PLA2G4A: variants seen among roughly 807,000 people sequenced by gnomAD.
PLA2G4A encodes phospholipase A2 group IVA.
In PLA2G4A, 40 loss-of-function variants were observed where a neutral mutation model predicts 81.9. That is an observed-to-expected ratio of 0.49 (90% CI 0.38 to 0.64). The LOEUF is 0.64. PLA2G4A is among the 30% of genes least tolerant of loss of function. The pLI, the probability that PLA2G4A is intolerant of heterozygous loss-of-function variation, is 0.00. For missense variants in PLA2G4A, 715 were observed against 905.1 expected (o/e 0.79, Z 2.69); for synonymous variants, 302 against 296.9 (o/e 1.02, Z -0.18).
chr1:186,959,489 C>T (rs1379341202), intron 14 of PLA2G4A, among the ~76,000 whole-genome samples: 2 of 152,080 alleles, frequency 1.3e-5, no homozygotes, highest in Non-Finnish European at 1.5e-5. Context: ...ATTTAAATTA[C>T]ACTTTATTCA....
At chr1:186,907,228 A>T (rs1654770042) in intron 6 of PLA2G4A, among the ~76,000 whole-genome samples, 1 of 152,124 alleles carries the variant, frequency 6.6e-6, no homozygotes. Flanking sequence ...TTATTTTTCC[A>T]ATAGTTTCAT....
At chr1:186,913,814 G>T (rs1380666443) in intron 7 of PLA2G4A, among the ~76,000 whole-genome samples, 6 of 152,152 alleles carry the variant, frequency 3.9e-5, no homozygotes, top group Non-Finnish European at 7.3e-5. Flanking sequence ...GCAGGATACA[G>T]TTGGAAATGA....
chr1:186,909,632 C>G (rs1571390899), intron 6 of PLA2G4A, among the ~76,000 whole-genome samples: 1 of 141,656 alleles, frequency 7.1e-6, no homozygotes, highest in Non-Finnish European at 1.5e-5. Context: ...TGCACTCCAG[C>G]CTGGGCAACA....
chr1:186,931,440 T>C (rs1393113682), intron 7 of PLA2G4A, among the ~76,000 whole-genome samples: 1 of 152,040 alleles, frequency 6.6e-6, no homozygotes, highest in African/African-American at 2.4e-5. Context: ...CTAGGTGTTC[T>C]ACTGTTCACT....
intron 10 of PLA2G4A, among the ~76,000 whole-genome samples, chr1:186,944,864 A>C (rs866522623): frequency 3.9e-5 from 6 of 152,292 alleles, no homozygotes; most frequent in African/African-American, 1.4e-4. Flanking sequence ...ATCCACATTG[A>C]GTGGGATAAA....
chr1:186,932,100 T>C (rs2102202119), intron 7 of PLA2G4A, among the ~76,000 whole-genome samples: 1 of 152,264 alleles, frequency 6.6e-6, no homozygotes, highest in East Asian at 1.9e-4. Context: ...TTCCTTCTGC[T>C]CACCTTACAT....
At chr1:186,983,676 C>T (rs1267692377) in intron 17 of PLA2G4A, among the ~76,000 whole-genome samples, 4 of 147,234 alleles carry the variant, frequency 2.7e-5, no homozygotes, top group Non-Finnish European at 3.0e-5. Flanking sequence ...AATGCTTGTA[C>T]AATTACAGTA....
Position 186,942,100 on chromosome 1 carries a change from A to C in PLA2G4A, c.1033+2006A>C, listed in dbSNP as rs138701065. 4.6e-5 allele frequency among the ~76,000 whole-genome samples: 7 copies of C among 152,324 alleles called. No individual in the cohort carries two copies. In the East Asian group the frequency reaches 1.3e-3, roughly 29 times the overall value. ...GGCACATTTAATTATTGGATTGTGG[A>C]AGGGGGCATGTAGCAGGGTCAGGGA... On this transcript the variant is annotated intron_variant, in intron 10 of 17. Coordinates refer to ENST00000367466, the MANE Select transcript of PLA2G4A (RefSeq NM_024420.3).
intron 7 of PLA2G4A, among the ~76,000 whole-genome samples, chr1:186,917,496 A>G (rs1245813747): frequency 1.3e-5 from 2 of 152,164 alleles, no homozygotes; most frequent in African/African-American, 2.4e-5. Context: ...TATTTTTGAT[A>G]GTCCGATTCA....
At chr1:186,911,761 T>C (rs1654951956) in intron 7 of PLA2G4A, among the ~76,000 whole-genome samples, 1 of 152,034 alleles carries the variant, frequency 6.6e-6, no homozygotes, top group Non-Finnish European at 1.5e-5. Context: ...ACACAGTAGA[T>C]ATGAGGAGAT....
chr1:186,847,313 T>TATAC (rs1652211959), intron 1 of PLA2G4A, among the ~76,000 whole-genome samples: 1 of 151,880 alleles, frequency 6.6e-6, no homozygotes, highest in African/African-American at 2.4e-5. Flanking sequence ...CTTGGTCCAG[T>TATAC]ATACCTCCAT....
chr1:186,884,041 C>A (rs1051925885), intron 3 of PLA2G4A, among the ~76,000 whole-genome samples: 1 of 151,624 alleles, frequency 6.6e-6, no homozygotes, highest in African/African-American at 2.4e-5. Context: ...GTAGCTAAGG[C>A]AAAACCAATA....
chr1:186,907,440 C>G (rs571589384), intron 6 of PLA2G4A, among the ~76,000 whole-genome samples: 1 of 152,018 alleles, frequency 6.6e-6, no homozygotes, highest in Non-Finnish European at 1.5e-5. Flanking sequence ...TCATACTGAC[C>G]CAGCTGGACT....
intron 13 of PLA2G4A, 61 bp downstream of exon 13, chr1:186,950,789 C>G (rs1656533328): frequency 1.5e-5 from 13 of 870,324 alleles, no homozygotes; most frequent in Non-Finnish European, 2.4e-5. Flanking sequence ...AACACTCTGT[C>G]TGATTTTCTC....
chr1:186,873,901 G>A (rs1653376180), intron 3 of PLA2G4A, among the ~76,000 whole-genome samples: 1 of 152,062 alleles, frequency 6.6e-6, no homozygotes, highest in African/African-American at 2.4e-5. Context: ...CTCAAATGCA[G>A]CATTTATACC....
chr1:186,941,433 A>C lies in PLA2G4A; in HGVS notation c.1033+1339A>C, dbSNP rs548987864. Among the ~76,000 whole-genome samples, 78 of 152,312 alleles carry C rather than the reference A, an allele frequency of 5.1e-4. 1 individual carries two copies. The highest frequency in any genetic ancestry group is 1.8e-3 in the African/African-American group (76 of 41,568). ...AATGTTTATTAAAATATTGGCTAAAATGTTTGTCATGCTTATGGTTCAGAA... is the reference window on the plus strand; with the variant it reads ...AATGTTTATTAAAATATTGGCTAAACTGTTTGTCATGCTTATGGTTCAGAA... On this transcript the variant is annotated intron_variant, in intron 10 of 17. Transcript: ENST00000367466.
intron 7 of PLA2G4A, among the ~76,000 whole-genome samples, chr1:186,916,710 C>T (rs899225258): frequency 6.6e-6 from 1 of 152,128 alleles, no homozygotes; most frequent in East Asian, 1.9e-4. Context: ...GGGCTACATA[C>T]CTGTACTGAG....
intron 2 of PLA2G4A, among the ~76,000 whole-genome samples, chr1:186,867,029 C>T (rs1653059230): frequency 6.6e-6 from 1 of 151,952 alleles, no homozygotes; most frequent in African/African-American, 2.4e-5. Flanking sequence ...GTTTTCTGTT[C>T]CATTGATCTG....
intron 14 of PLA2G4A, among the ~76,000 whole-genome samples, chr1:186,962,105 G>T (rs1243588500): frequency 1.2e-5 from 1 of 84,402 alleles, no homozygotes; most frequent in Non-Finnish European, 2.3e-5. Flanking sequence ...CACAATGTCT[G>T]TATTCAAGTA....
Sources: gnomAD v4.1 joint callset for allele counts (sites outside exome capture counted in the v4.1 genomes callset) on GRCh38, gnomAD v4.1.1 for gene constraint, MANE v1.5 for transcripts, NCBI Gene and HGNC (gene_info 2026-07-23, HGNC 2026-07-21) for gene names.